DIAPH1: variants seen among roughly 807,000 people sequenced by gnomAD.
The protein encoded by DIAPH1 is protein diaphanous homolog 1.
In DIAPH1, 46 loss-of-function variants were observed where a neutral mutation model predicts 140.7. That is an observed-to-expected ratio of 0.33 (90% CI 0.26 to 0.42). The LOEUF (loss-of-function observed/expected upper bound fraction) is 0.42. DIAPH1 is among the 10% of genes least tolerant of loss of function. The pLI is 1.00. For synonymous variants in DIAPH1, 565 were observed against 551.6 expected, an observed-to-expected ratio of 1.02 and a Z score of -0.34; for missense variants, 1,310 against 1,558.7, an observed-to-expected ratio of 0.84 and a Z score of 2.69.
Position 141,589,567 on chromosome 5 carries a change from A to G in DIAPH1, c.118-1317T>C, listed in dbSNP as rs559823456. Reference sequence around the variant, plus strand: ...TACATTCAGTTCAAAAACATGTAACACTGTATTATTTGGTATGTAAAATTA... The same window carrying G: ...TACATTCAGTTCAAAAACATGTAACGCTGTATTATTTGGTATGTAAAATTA... On this transcript the variant is annotated intron_variant, in intron 1 of 27. Transcript: ENST00000389054. Among the ~76,000 whole-genome samples the G allele has an allele frequency of 1.9e-4, 25 of 133,336 alleles. No homozygotes were observed. The South Asian group carries it at 6.2e-3, about 33-fold the overall frequency. The allele number at this position is 133,336 out of a possible 152,430, so 87.5% of individuals were successfully genotyped here. A position where few individuals can be genotyped will look rare whatever the true frequency, so the allele number is the denominator to read the frequency against.
At chr5:141,566,034 A>G (rs1177466974) in intron 18 of DIAPH1, among the ~76,000 whole-genome samples, 1 of 152,216 alleles carries the variant, frequency 6.6e-6, no homozygotes, top group Admixed American at 6.5e-5. Context: ...CAAGCGAATG[A>G]TTATAATGAT....
At chr5:141,527,230 G>GACCCC (rs1371417540) in intron 24 of DIAPH1, among the ~76,000 whole-genome samples, 1 of 152,164 alleles carries the variant, frequency 6.6e-6, no homozygotes, top group East Asian at 1.9e-4. Context: ...AACAAAGTGA[G>GACCCC]ACCCCATCTC....
intron 18 of DIAPH1, among the ~76,000 whole-genome samples, chr5:141,550,082 C>A (rs111983300): frequency 6.6e-6 from 1 of 151,444 alleles, no homozygotes; most frequent in African/African-American, 2.4e-5. Flanking sequence ...TCACATCAGA[C>A]GAAAATAGTC....
chr5:141,562,153 A>G (rs2099893637), intron 18 of DIAPH1, among the ~76,000 whole-genome samples: 2 of 152,082 alleles, frequency 1.3e-5, no homozygotes, highest in Non-Finnish European at 2.9e-5. Context: ...TTTTTTAGGA[A>G]GATCAAAAGG....
chr5:141,587,398 T>C (rs2099897701), intron 2 of DIAPH1: 1 of 609,968 alleles, frequency 1.6e-6, no homozygotes, highest in Non-Finnish European at 2.9e-6. Context: ...CTCTCATCTA[T>C]GTTCAAAGAT....
rs141163800 is a variant in DIAPH1 at position 141,547,234 on chromosome 5, G to A, written c.2483-12801C>T. On this transcript the variant is annotated intron_variant, in intron 18 of 27. Coordinates refer to ENST00000389054, the MANE Select transcript of DIAPH1 (RefSeq NM_005219.5). ...GTAATCCCGCACTTTGGGAGGCCAA[G>A]GCGGGCGGATCATGAGGTCAGGAGA... Among the ~76,000 whole-genome samples, 44 of 152,370 alleles carry A rather than the reference G, an allele frequency of 2.9e-4. No homozygotes were observed. The East Asian group carries it at 7.5e-3, about 26-fold the overall frequency.
At chr5:141,603,868 A>G (rs2099900531) in intron 1 of DIAPH1, among the ~76,000 whole-genome samples, 3 of 152,184 alleles carry the variant, frequency 2.0e-5, no homozygotes, top group Admixed American at 2.0e-4. Context: ...CTTTTTGCCT[A>G]CAGCTCAGCT....
chr5:141,588,370 C>T, intron 1 of DIAPH1, 120 bp from the exon 2 acceptor site: 2 of 741,692 alleles, frequency 2.7e-6, no homozygotes, highest in South Asian at 2.9e-5. Flanking sequence ...ATCCAAGCTA[C>T]TTTCTGCAAG....
chr5:141,536,486 G>A (rs772459194), intron 18 of DIAPH1, among the ~76,000 whole-genome samples: 7 of 152,018 alleles, frequency 4.6e-5, no homozygotes, highest in East Asian at 1.9e-4. Context: ...TGGAACTTAC[G>A]TCCTAACAAA....
rs1330124707 is a variant in DIAPH1, at chr5:141,573,592, A to G, written c.2258T>C (p.Phe753Ser). The G allele has an allele frequency of 6.2e-7, 1 of 1,613,910 alleles. No homozygotes were observed. The highest frequency in any genetic ancestry group is 1.1e-5 in the South Asian group (1 of 91,070). ...TGGGGCTGCAGGAACTCCAAATCCA[A>G]ATGGGGGAGGTGGAGGCATACCCAT... Reference protein sequence around the residue: ...PGMGMPPPPPFGFGVPAAPVL... With the variant: ...PGMGMPPPPPSGFGVPAAPVL... The change falls in exon 16 of 28, where the codon TTT becomes TCT. Residue 753 changes from phenylalanine (F) to serine (S), a missense_variant. Physicochemically the swap from Phe to Ser is radical, Grantham distance 155. This residue lies in a region of DIAPH1 where 589 missense variants were observed against 549.3 expected (regional missense o/e 1.07). Coordinates refer to ENST00000389054, the MANE Select transcript of DIAPH1 (RefSeq NM_005219.5).
chr5:141,558,142 G>C (rs1168701415), intron 18 of DIAPH1, among the ~76,000 whole-genome samples: 1 of 152,148 alleles, frequency 6.6e-6, no homozygotes, highest in Non-Finnish European at 1.5e-5. Context: ...AAATCTTGAT[G>C]TTGAGCTCTA....
At chr5:141,551,076 C>T (rs780430670) in intron 18 of DIAPH1, among the ~76,000 whole-genome samples, 36 of 152,276 alleles carry the variant, frequency 2.4e-4, no homozygotes, top group Non-Finnish European at 4.6e-4. Context: ...TGAAGAAAGT[C>T]GGTAGATTAA....
intron 1 of DIAPH1, among the ~76,000 whole-genome samples, chr5:141,597,143 A>C (rs746126101): frequency 2.6e-5 from 4 of 152,238 alleles, no homozygotes; most frequent in Non-Finnish European, 4.4e-5. Flanking sequence ...AAGGAAATAA[A>C]GAAAATTTCC....
intron 18 of DIAPH1, among the ~76,000 whole-genome samples, chr5:141,535,447 T>C (rs1596344692): frequency 6.6e-6 from 1 of 152,344 alleles, no homozygotes; most frequent in Non-Finnish European, 1.5e-5. Context: ...TCATGGTATT[T>C]GTTATCTATA....
At chr5:141,611,009 G>C (rs1281702912) in intron 1 of DIAPH1, among the ~76,000 whole-genome samples, 2 of 152,016 alleles carry the variant, frequency 1.3e-5, no homozygotes, top group Non-Finnish European at 2.9e-5. Context: ...TGGATTGCTT[G>C]AGCCCAGGAG....
At position 141,591,695 on chromosome 5, in the gene DIAPH1, G is replaced by GATATATATATATATATATATATAT. The variant is rs56117502; in HGVS notation, c.118-3469_118-3446dup. ...TGGAAAAGGAAGGAAGGGAGATGGG[G>GATATATATATATATATATATATAT]ATATATATATATATATATATATATA... On this transcript the variant is annotated intron_variant, in intron 1 of 27. Transcript: ENST00000389054. Among the ~76,000 whole-genome samples, 236 of 86,262 alleles carry GATATATATATATATATATATATAT rather than the reference G, an allele frequency of 2.7e-3. 6 individuals are homozygous for GATATATATATATATATATATATAT. The highest frequency in any genetic ancestry group is 7.2e-3 in the Middle Eastern group (1 of 138). 56.6% of individuals were successfully genotyped at this position (86,262 alleles called of 152,430 possible). A position where few individuals can be genotyped will look rare whatever the true frequency, so the allele number is the denominator to read the frequency against.
intron 19 of DIAPH1, among the ~76,000 whole-genome samples, chr5:141,533,901 C>A (rs1168496424): frequency 6.6e-6 from 1 of 151,912 alleles, no homozygotes; most frequent in South Asian, 2.1e-4. Flanking sequence ...CATGGTGGTG[C>A]ACACCTGTAG....
chr5:141,516,727 G>C lies in DIAPH1; in HGVS notation c.*124C>G. On this transcript the variant is annotated 3_prime_UTR_variant, in exon 28 of 28. Coordinates refer to ENST00000389054, the MANE Select transcript of DIAPH1 (RefSeq NM_005219.5). ...GAGAGAGCAGCAGGCCAGAGAGAAA[G>C]ACAGGGTCAGGGTGGTGGGAGTGGC... The C allele has an allele frequency of 1.9e-6, 2 of 1,040,366 alleles. No homozygotes were observed. Among genetic ancestry groups the C allele is most frequent in the South Asian group, 1.3e-5 (1 of 75,172 alleles). The allele number at this position is 1,040,366 out of a possible 1,614,324, so 64.4% of individuals were successfully genotyped here. A position where few individuals can be genotyped will look rare whatever the true frequency, so the allele number is the denominator to read the frequency against.
chr5:141,573,621 G>T lies in DIAPH1; in HGVS notation c.2229C>A (p.Pro743=). 6.2e-7 allele frequency: 1 copy of T among 1,613,678 alleles called. No individual in the cohort carries two copies. The highest frequency in any genetic ancestry group is 8.5e-7 in the Non-Finnish European group (1 of 1,179,902). ...GGGGAGGTGGAGGCATACCCATTCC[G>T]GGTGGAGGTGGAGGAATGCCAGGGC... ...PGGPGIPPPP[P]GMGMPPPPPF... Residue 743 remains proline, a synonymous_variant, in exon 16 of 28, where the codon CCC becomes CCA. Transcript: ENST00000389054.
Sources: allele counts gnomAD v4.1 joint callset (sites outside exome capture counted in the v4.1 genomes callset), GRCh38; gene constraint gnomAD v4.1.1; regional missense constraint gnomAD v4.1.1; transcripts MANE v1.5; gene names NCBI Gene and HGNC (gene_info 2026-07-23, HGNC 2026-07-21).